Variants in BBS9 observed in about 807,000 individuals in gnomAD.
BBS9 encodes the protein protein PTHB1.
Under a neutral mutation model 117.7 loss-of-function variants are expected in BBS9, and 89 were observed. The ratio of observed to expected loss-of-function variants is 0.76; its 90% CI spans 0.64 to 0.90. BBS9 has a LOEUF of 0.90. BBS9 is among the 40% of genes least tolerant of loss of function. The pLI is 0.00. For missense variants in BBS9, 982 were observed against 1,042.2 expected, an observed-to-expected ratio of 0.94 and a Z score of 0.80; for synonymous variants, 379 against 370.9, an observed-to-expected ratio of 1.02 and a Z score of -0.25.
chr7:33,462,361 A>G (rs1361646559), intron 19 of BBS9, among the ~76,000 whole-genome samples: 3 of 152,088 alleles, frequency 2.0e-5, no homozygotes, highest in Non-Finnish European at 4.4e-5. Flanking sequence ...GACAAGAAAT[A>G]TAATGTCAGT....
At chr7:33,413,382 T>G (rs965076793) in intron 19 of BBS9, among the ~76,000 whole-genome samples, 1 of 152,214 alleles carries the variant, frequency 6.6e-6, no homozygotes, top group Non-Finnish European at 1.5e-5. Context: ...TAAGATAGGT[T>G]TCTACAATGG....
intron 20 of BBS9, among the ~76,000 whole-genome samples, chr7:33,522,062 C>A (rs1848701574): frequency 6.6e-6 from 1 of 151,878 alleles, no homozygotes; most frequent in African/African-American, 2.4e-5. Flanking sequence ...CATGTCCCTA[C>A]AAAGGACATG....
At chr7:33,586,046 A>G (rs1485781488) in intron 21 of BBS9, among the ~76,000 whole-genome samples, 1 of 152,034 alleles carries the variant, frequency 6.6e-6, no homozygotes, top group Non-Finnish European at 1.5e-5. Context: ...ACTCCCCACA[A>G]TCAGTTTTAG....
downstream of BBS9, among the ~76,000 whole-genome samples, chr7:33,607,388 G>A (rs190829416): frequency 3.3e-5 from 5 of 152,126 alleles, no homozygotes; most frequent in East Asian, 9.7e-4. Context: ...TAATGATTTT[G>A]TTCATGAGTA....
intron 2 of BBS9, among the ~76,000 whole-genome samples, chr7:33,150,329 T>G (rs1171204694): frequency 6.6e-6 from 1 of 152,210 alleles, no homozygotes; most frequent in Non-Finnish European, 1.5e-5. Context: ...AAAGCTATCT[T>G]CGATAAAGCT....
Position 33,423,707 on chromosome 7 carries a change from A to C in BBS9, c.2115+35563A>C, listed in dbSNP as rs184275468. Among the ~76,000 whole-genome samples the C allele has an allele frequency of 5.5e-4, 83 of 152,272 alleles. 1 individual carries two copies. The highest frequency in any genetic ancestry group is 5.0e-4 in the Non-Finnish European group (34 of 68,026). On this transcript the variant is annotated intron_variant, in intron 19 of 22. Coordinates refer to ENST00000242067, the MANE Select transcript of BBS9 (RefSeq NM_198428.3). The stretch of plus-strand genomic sequence containing the variant: ...AGCATACCAGGACATTTCGAGACCA[A>C]ATTTAGTTTCTGTTCCTTCTTCAAA...
At chr7:33,142,675 T>C (rs1047200500) in intron 1 of BBS9, among the ~76,000 whole-genome samples, 1 of 152,216 alleles carries the variant, frequency 6.6e-6, no homozygotes, top group African/African-American at 2.4e-5. Context: ...TGGAATCATA[T>C]GGTATTTGTC....
At chr7:33,461,540 G>T (rs1839469621) in intron 19 of BBS9, among the ~76,000 whole-genome samples, 1 of 151,396 alleles carries the variant, frequency 6.6e-6, no homozygotes, top group Admixed American at 6.6e-5. Flanking sequence ...CTCAGAAAAA[G>T]ATTCCAGGCT....
At chr7:33,582,341 T>C (rs1043711559) in intron 21 of BBS9, among the ~76,000 whole-genome samples, 2 of 151,822 alleles carry the variant, frequency 1.3e-5, no homozygotes, top group African/African-American at 2.4e-5. Context: ...AGCAGACCCA[T>C]GGGGCTGCTT....
At chr7:33,368,556 A>G (rs1057269566) in intron 17 of BBS9, among the ~76,000 whole-genome samples, 1 of 149,816 alleles carries the variant, frequency 6.7e-6, no homozygotes, top group Non-Finnish European at 1.5e-5. Flanking sequence ...TATTTAACGA[A>G]TCTGTATTGA....
chr7:33,529,599 C>T (rs139295248), intron 20 of BBS9, among the ~76,000 whole-genome samples: 9 of 152,166 alleles, frequency 5.9e-5, no homozygotes, highest in Admixed American at 1.3e-4. Context: ...TCTCCCTTCC[C>T]TTCCCTCCCC....
At chr7:33,145,214 A>G (rs1792145566) in intron 1 of BBS9, among the ~76,000 whole-genome samples, 2 of 152,184 alleles carry the variant, frequency 1.3e-5, no homozygotes, top group Non-Finnish European at 2.9e-5. Flanking sequence ...AGGAGAATTG[A>G]CTGCACTTCG....
In BBS9 at chr7:33,544,923, A is replaced by G. The variant is rs139968570; in HGVS notation, c.2521+10747A>G. On this transcript the variant is annotated intron_variant, in intron 21 of 22. Coordinates refer to ENST00000242067, the MANE Select transcript of BBS9 (RefSeq NM_198428.3). ...CCCAGGTCACTAGAGTTGTGTACCT[A>G]GGAGGTTTATGGCTGCCCCTGCTGA... Among the ~76,000 whole-genome samples, 324 of 152,098 alleles carry G rather than the reference A, an allele frequency of 2.1e-3. 1 individual carries two copies. Among genetic ancestry groups the G allele is most frequent in the African/African-American group, 7.4e-3 (307 of 41,496 alleles).
chr7:33,542,942 C>T (rs1052932157), intron 21 of BBS9, among the ~76,000 whole-genome samples: 3 of 152,064 alleles, frequency 2.0e-5, no homozygotes, highest in African/African-American at 7.2e-5. Context: ...GTATCTTTTT[C>T]AAATAATGAC....
intron 15 of BBS9, among the ~76,000 whole-genome samples, chr7:33,354,920 G>A (rs1216595888): frequency 6.6e-6 from 1 of 151,994 alleles, no homozygotes; most frequent in African/African-American, 2.4e-5. Flanking sequence ...ATTATATCTG[G>A]TAAAAAGAAC....
intron 4 of BBS9, among the ~76,000 whole-genome samples, chr7:33,160,329 T>G (rs1794661745): frequency 6.6e-6 from 1 of 152,210 alleles, no homozygotes; most frequent in Non-Finnish European, 1.5e-5. Context: ...TGGACCAATG[T>G]CCTGTTTCTA....
chr7:33,581,697 C>T (rs755214826), intron 21 of BBS9, among the ~76,000 whole-genome samples: 7 of 152,130 alleles, frequency 4.6e-5, no homozygotes, highest in East Asian at 1.9e-4. Context: ...ATGATGATAG[C>T]CACTAACATT....
chr7:33,564,374 G>A (rs569707726), intron 21 of BBS9, among the ~76,000 whole-genome samples: 1 of 152,148 alleles, frequency 6.6e-6, no homozygotes, highest in African/African-American at 2.4e-5. Flanking sequence ...TATGGAGACA[G>A]GCTGACCTGG....
At chr7:33,533,572 C>A in intron 20 of BBS9, 1 of 223,006 alleles carries the variant, frequency 4.5e-6, no homozygotes, top group South Asian at 7.3e-5. Flanking sequence ...TAAGGCAAAA[C>A]AAACTATAAT....
Sources: allele counts gnomAD v4.1 joint callset (sites outside exome capture counted in the v4.1 genomes callset), GRCh38; gene constraint gnomAD v4.1.1; transcripts MANE v1.5; gene names NCBI Gene and HGNC (gene_info 2026-07-23, HGNC 2026-07-21).